MARCHF4: variants seen among roughly 807,000 people sequenced by gnomAD.
MARCHF4 encodes the protein E3 ubiquitin-protein ligase MARCHF4.
A neutral mutation model predicts 43.9 loss-of-function variants in MARCHF4; 14 were observed. The observed-to-expected ratio is 0.32, with a 90% CI of 0.21 to 0.50. The LOEUF is 0.50. Among genes scored for constraint, MARCHF4 ranks in the 20% least tolerant of loss-of-function variants. MARCHF4 has a pLI of 0.98. For synonymous variants in MARCHF4, 226 were observed against 213.3 expected (o/e 1.06, Z -0.52); for missense variants, 468 against 536.7 (o/e 0.87, Z 1.27).
At chr2:216,352,955 A>G (rs1692423848) in intron 1 of MARCHF4, among the ~76,000 whole-genome samples, 1 of 152,156 alleles carries the variant, frequency 6.6e-6, no homozygotes, top group Admixed American at 6.5e-5. Flanking sequence ...CTCAATAAAT[A>G]TTTGCAGAAT....
In MARCHF4 at chr2:216,324,663, A is replaced by C. The variant is rs1300410189; in HGVS notation, c.517-40934T>G. 5.0e-3 allele frequency among the ~76,000 whole-genome samples: 756 copies of C among 150,330 alleles called. 6 individuals are homozygous for C. Among genetic ancestry groups the C allele is most frequent in the African/African-American group, 0.018 (716 of 40,580 alleles). ...CTGGGATGCAAGGCTGGTTCAATAT[A>C]TGCAAATCAATAAATGTAATCCAGC... On this transcript the variant is annotated intron_variant, in intron 1 of 3. Coordinates refer to ENST00000273067, the MANE Select transcript of MARCHF4 (RefSeq NM_020814.3).
chr2:216,366,705 G>A (rs530308279), intron 1 of MARCHF4, among the ~76,000 whole-genome samples: 5 of 152,070 alleles, frequency 3.3e-5, no homozygotes, highest in Non-Finnish European at 7.4e-5. Flanking sequence ...TATCTAATGT[G>A]GTGGTACCTT....
chr2:216,300,226 C>G (rs1691465337), intron 1 of MARCHF4, among the ~76,000 whole-genome samples: 1 of 151,874 alleles, frequency 6.6e-6, no homozygotes, highest in Admixed American at 6.6e-5. Context: ...TGTAAAATGT[C>G]TGCTACACAA....
intron 1 of MARCHF4, among the ~76,000 whole-genome samples, chr2:216,316,889 C>G (rs1290070742): frequency 6.6e-6 from 1 of 152,166 alleles, no homozygotes; most frequent in Admixed American, 6.5e-5. Context: ...CTGGGCACAT[C>G]AGAGGACTCC....
At chr2:216,341,102 AC>A (rs1692229892) in intron 1 of MARCHF4, among the ~76,000 whole-genome samples, 1 of 152,196 alleles carries the variant, frequency 6.6e-6, no homozygotes, top group Non-Finnish European at 1.5e-5. Flanking sequence ...AGTCACTGGA[AC>A]TATTCGGAGG....
At chr2:216,274,516 A>G (rs1260116901) in intron 3 of MARCHF4, among the ~76,000 whole-genome samples, 1 of 150,976 alleles carries the variant, frequency 6.6e-6, no homozygotes, top group African/African-American at 2.4e-5. Context: ...TGGACAGAAT[A>G]CTGCACAGAA....
At position 216,370,220 on chromosome 2, in the gene MARCHF4, C is replaced by A. The variant is rs1235879140; in HGVS notation, c.41G>T (p.Cys14Phe). The A allele has an allele frequency of 6.2e-7, 1 of 1,607,438 alleles. No homozygotes were observed. ...PLCGLLWWWW[C>F]CCSGWYCYGL... ...ATAGCAGTACCAGCCGGAGCAGCAG[C>A]ACCACCACCACCAGAGCAGCCCACA... is the stretch of plus-strand genomic sequence containing the variant. The change falls in exon 1 of 4, where the codon TGC (cysteine) becomes TTC (phenylalanine). Residue 14 changes from cysteine (C) to phenylalanine (F), a missense_variant. Physicochemically the swap from Cys to Phe is radical, Grantham distance 205 (BLOSUM62 -2). This residue lies in a region of MARCHF4 where 190 missense variants were observed against 158.5 expected (regional missense o/e 1.20). Transcript: ENST00000273067.
intron 1 of MARCHF4, among the ~76,000 whole-genome samples, chr2:216,325,784 C>T (rs1199776571): frequency 5.4e-5 from 8 of 149,472 alleles, no homozygotes; most frequent in Non-Finnish European, 3.0e-5. Context: ...TGGATCCCTT[C>T]CTTACACCTT....
Position 216,332,653 on chromosome 2 carries a change from C to T in MARCHF4, c.516+37092G>A, listed in dbSNP as rs1000534603. On this transcript the variant is annotated intron_variant, in intron 1 of 3. Coordinates refer to ENST00000273067, the MANE Select transcript of MARCHF4 (RefSeq NM_020814.3). ...ATAAAAGATGTGCAAGACCTTTATA[C>T]TGAAAACTATAAAACTTTGCTGAGA... is the stretch of plus-strand genomic sequence containing the variant. 3.3e-5 allele frequency among the ~76,000 whole-genome samples: 5 copies of T among 152,058 alleles called. No homozygotes were observed. In the South Asian group the frequency reaches 1.0e-3, roughly 32 times the overall value.
intron 1 of MARCHF4, among the ~76,000 whole-genome samples, chr2:216,329,021 T>C (rs1024800479): frequency 6.6e-6 from 1 of 151,786 alleles, no homozygotes. Flanking sequence ...CGAAATTCCG[T>C]CTCAGAAAAA....
In MARCHF4 at chr2:216,269,369, CAGCGTCATTAG is replaced by C. The variant is rs139840577; in HGVS notation, c.865+8292_865+8302del. 9.0e-3 allele frequency among the ~76,000 whole-genome samples: 1,364 copies of C among 152,224 alleles called. 34 individuals carry two copies. Among genetic ancestry groups the C allele is most frequent in the Admixed American group, 0.046 (705 of 15,280 alleles). On this transcript the variant is annotated intron_variant, in intron 3 of 3. Coordinates refer to ENST00000273067, the MANE Select transcript of MARCHF4 (RefSeq NM_020814.3). ...CTGTCAGCTTCTCTGCAGCAGAGGA[CAGCGTCATTAG>C]AGATGACAGAAGAGGAGGCAGGTGG...
chr2:216,293,475 C>T (rs1691343966), intron 1 of MARCHF4, among the ~76,000 whole-genome samples: 1 of 151,966 alleles, frequency 6.6e-6, no homozygotes, highest in Non-Finnish European at 1.5e-5. Context: ...ACTCTCCTAC[C>T]AGCAGCTTAC....
chr2:216,324,518 A>G lies in MARCHF4; in HGVS notation c.517-40789T>C, dbSNP rs1204144636. ...CCGGGCAGAGACACAACCAAAAAAG[A>G]GAATTTTAGACCAATATCCTTGATG... is the stretch of plus-strand genomic sequence containing the variant. On this transcript the variant is annotated intron_variant, in intron 1 of 3. Transcript: ENST00000273067. 5.3e-5 allele frequency among the ~76,000 whole-genome samples: 8 copies of G among 152,242 alleles called. No homozygotes were observed. In the East Asian group the frequency reaches 1.5e-3, roughly 29 times the overall value.
At chr2:216,278,138 A>G (rs1421731279) in intron 2 of MARCHF4, among the ~76,000 whole-genome samples, 1 of 152,202 alleles carries the variant, frequency 6.6e-6, no homozygotes, top group African/African-American at 2.4e-5. Context: ...TAGACTTGAT[A>G]ATGATATACA....
At chr2:216,303,669 TG>T (rs1691533227) in intron 1 of MARCHF4, 1 of 152,212 alleles carries the variant, frequency 6.6e-6, no homozygotes. Flanking sequence ...GGTAAGTTCC[TG>T]GCTTTCAGTC....
At chr2:216,318,081 G>C (rs1301561205) in intron 1 of MARCHF4, 1 of 152,200 alleles carries the variant, frequency 6.6e-6, no homozygotes, top group Non-Finnish European at 1.5e-5. Context: ...CTTACAGCAG[G>C]AAGCTCGATT....
At chr2:216,323,041 A>G (rs2105965254) in intron 1 of MARCHF4, among the ~76,000 whole-genome samples, 1 of 152,342 alleles carries the variant, frequency 6.6e-6, no homozygotes, top group East Asian at 1.9e-4. Context: ...CACCTTGCCC[A>G]TAAGAATCCA....
intron 1 of MARCHF4, among the ~76,000 whole-genome samples, chr2:216,340,230 A>G (rs1479410406): frequency 1.3e-5 from 2 of 152,194 alleles, no homozygotes; most frequent in African/African-American, 2.4e-5. Context: ...AACCAGTCTT[A>G]GCTCTCCTGG....
intron 2 of MARCHF4, among the ~76,000 whole-genome samples, chr2:216,281,517 C>T (rs755738415): frequency 6.6e-6 from 1 of 152,238 alleles, no homozygotes; most frequent in Non-Finnish European, 1.5e-5. Flanking sequence ...CCATCCTACA[C>T]TGCAAATGAT....
Sources: allele counts gnomAD v4.1 joint callset (sites outside exome capture counted in the v4.1 genomes callset), GRCh38; gene constraint gnomAD v4.1.1; regional missense constraint gnomAD v4.1.1; transcripts MANE v1.5; gene names NCBI Gene and HGNC (gene_info 2026-07-23, HGNC 2026-07-21).